The following RTN4 variants were observed in gnomAD, a reference collection of about 807,000 sequenced individuals.
RTN4 encodes the protein reticulon-4.
In RTN4, 32 loss-of-function variants were observed where a neutral mutation model predicts 90.4. That is an observed-to-expected ratio of 0.35 (90% CI 0.27 to 0.48). The LOEUF is 0.48. Ranked by LOEUF, RTN4 falls within the 20% of genes least tolerant of loss-of-function variation. RTN4 has a pLI of 0.99. For synonymous variants in RTN4, 629 were observed against 552.5 expected, an observed-to-expected ratio of 1.14 and a Z score of -1.94; for missense variants, 1,706 against 1,430.2, an observed-to-expected ratio of 1.19 and a Z score of -3.11.
chr2:55,033,050 TAAA>T (rs141554598), intron 1 of RTN4, among the ~76,000 whole-genome samples: 2 of 125,766 alleles, frequency 1.6e-5, no homozygotes, highest in African/African-American at 2.9e-5. Context: ...CTGAAGAAGT[TAAA>T]AAAAAAAAAA....
chr2:55,052,082 C>G (rs1240899780), upstream of RTN4, among the ~76,000 whole-genome samples: 1 of 152,092 alleles, frequency 6.6e-6, no homozygotes, highest in Admixed American at 6.6e-5. Flanking sequence ...ATAGGTGGAA[C>G]ACAGAAGATT....
In RTN4 at chr2:55,026,373, T is replaced by C. The variant is rs761690966; in HGVS notation, c.1726A>G (p.Lys576Glu). Residue 576 changes from lysine (K) to glutamate (E), a missense_variant, in exon 3 of 9, where the codon AAA becomes GAA. Transcript: ENST00000337526. ...TCTGATGTTTGAACCAAGTCCATTT[T>C]TGTTTCATAAGCAATCTTTGTACCA... ...VTGTKIAYETKMDLVQTSEVM... is the reference protein window; with the variant it reads ...VTGTKIAYETEMDLVQTSEVM... The C allele has an allele frequency of 6.2e-7, 1 of 1,613,990 alleles. No homozygotes were observed. The highest frequency in any genetic ancestry group is 8.5e-7 in the Non-Finnish European group (1 of 1,179,920).
At chr2:55,077,860 C>G (rs1668632007) in intron 2 of RTN4, among the ~76,000 whole-genome samples, 1 of 151,594 alleles carries the variant, frequency 6.6e-6, no homozygotes, top group African/African-American at 2.4e-5. Flanking sequence ...GGAGCCTGGA[C>G]AGAATTAGAG....
intron 3 of RTN4, among the ~76,000 whole-genome samples, chr2:55,022,117 T>TA (rs1380058581): frequency 6.6e-6 from 1 of 152,100 alleles, no homozygotes; most frequent in Non-Finnish European, 1.5e-5. Flanking sequence ...ATCCAAGAAA[T>TA]AGGTGACTCC....
chr2:55,130,566 C>CAAA, the RTN4 span, among the ~76,000 whole-genome samples: 1 of 152,044 alleles, frequency 6.6e-6, no homozygotes. Flanking sequence ...GCCGGAACAA[C>CAAA]AAAAAATACA....
chr2:55,078,197 G>C (rs1204167578), intron 2 of RTN4, among the ~76,000 whole-genome samples: 2 of 151,888 alleles, frequency 1.3e-5, no homozygotes, highest in South Asian at 2.1e-4. Context: ...AAATTTAAAA[G>C]AAAGAAATAA....
At chr2:55,006,393 G>A (rs142809178) in intron 3 of RTN4, among the ~76,000 whole-genome samples, 4 of 152,062 alleles carry the variant, frequency 2.6e-5, no homozygotes, top group Admixed American at 6.6e-5. Context: ...TGGCCTTCCC[G>A]AGTAAGGCAT....
intron 1 of RTN4, among the ~76,000 whole-genome samples, chr2:55,033,758 A>G (rs1283247375): frequency 1.3e-5 from 2 of 152,240 alleles, no homozygotes; most frequent in East Asian, 3.8e-4. Context: ...TAATTGATAT[A>G]TAACAGTTGT....
Position 55,050,254 on chromosome 2 carries a change from G to A in RTN4, c.47C>T (p.Pro16Leu). The change falls in exon 1 of 9, where the codon CCA (proline) becomes CTA (leucine). Residue 16 changes from proline (P) to leucine (L), a missense_variant. Pro to Leu is a moderately conservative substitution (Grantham distance 98). Coordinates refer to ENST00000337526, the MANE Select transcript of RTN4 (RefSeq NM_020532.5). This position sits in a 1 kb window ranked among gnomAD's most constrained non-coding sequence, Gnocchi z 4.6. ...CTTGAACGCGGGCTGCGGCCGGGGT[G>A]GGCTGTCCGAGGACGAGACCAGAGG... ...QSPLVSSSDS[P>L]PRPQPAFKYQ... 1 of 1,536,140 alleles carries A rather than the reference G, an allele frequency of 6.5e-7. No homozygotes were observed. Among genetic ancestry groups the A allele is most frequent in the Non-Finnish European group, 8.8e-7 (1 of 1,142,660 alleles).
At chr2:54,974,326 C>A in intron 6 of RTN4, 1 of 247,724 alleles carries the variant, frequency 4.0e-6, no homozygotes, top group Non-Finnish European at 7.9e-6. Flanking sequence ...GTTGCCCAAC[C>A]TGGAGTGCAA....
chr2:55,068,675 A>T (rs1368355017), intron 2 of RTN4, among the ~76,000 whole-genome samples: 1 of 78,388 alleles, frequency 1.3e-5, no homozygotes, highest in Non-Finnish European at 2.4e-5. Flanking sequence ...TCTACAAAAA[A>T]AAAGGGGGGG....
chr2:55,102,908 C>T (rs1955151), intron 1 of RTN4, among the ~76,000 whole-genome samples: 1 of 151,892 alleles, frequency 6.6e-6, no homozygotes, highest in African/African-American at 2.4e-5. Flanking sequence ...CACCTGAGGT[C>T]GGGAGTTTGA....
At chr2:55,004,013 T>G (rs1680032617) in intron 3 of RTN4, among the ~76,000 whole-genome samples, 1 of 152,098 alleles carries the variant, frequency 6.6e-6, no homozygotes, top group South Asian at 2.1e-4. Context: ...ATTTAAGAAT[T>G]CTATTCTCTG....
At chr2:55,077,310 G>A (rs1054747061) in intron 2 of RTN4, among the ~76,000 whole-genome samples, 19 of 152,220 alleles carry the variant, frequency 1.2e-4, no homozygotes, top group South Asian at 4.1e-4. Context: ...ACCACACCCC[G>A]CCTAGGGCAG....
intron 3 of RTN4, among the ~76,000 whole-genome samples, chr2:55,018,955 G>A (rs543764671): frequency 3.9e-5 from 6 of 152,046 alleles, no homozygotes; most frequent in Non-Finnish European, 8.8e-5. Context: ...TGATTCCAGG[G>A]CTGGGACACG....
chr2:54,997,280 A>C (rs1679504190), intron 3 of RTN4, among the ~76,000 whole-genome samples: 1 of 152,224 alleles, frequency 6.6e-6, no homozygotes, highest in Non-Finnish European at 1.5e-5. Flanking sequence ...AGTCATTATA[A>C]AAATGCAAAC....
intron 5 of RTN4, among the ~76,000 whole-genome samples, chr2:54,980,503 G>C (rs1678031831): frequency 6.6e-6 from 1 of 152,174 alleles, no homozygotes; most frequent in Non-Finnish European, 1.5e-5. Context: ...ATTTATTCAA[G>C]AATGACATTT....
At chr2:55,120,267 C>G in the RTN4 span, among the ~76,000 whole-genome samples, 10,872 of 152,274 alleles carry the variant, frequency 0.071, 439 homozygotes, top group Middle Eastern at 0.16. Flanking sequence ...TCCTGCCCCC[C>G]TCACTTTAGC....
In RTN4 at chr2:55,065,963, A is replaced by G. The variant is rs572648390; in HGVS notation, c.-63+14526T>C. On this transcript the variant is annotated intron_variant, in intron 2 of 3. Coordinates refer to the RTN4 transcript ENST00000427710. ...AAACATGTATATACGCATATGGAAAATAAACTTTAAGATTAGTTCATTTTA... is the reference window on the plus strand; with the variant it reads ...AAACATGTATATACGCATATGGAAAGTAAACTTTAAGATTAGTTCATTTTA... Among the ~76,000 whole-genome samples the G allele has an allele frequency of 5.3e-5, 8 of 152,342 alleles. No individual in the cohort carries two copies. In the South Asian group the frequency reaches 1.7e-3, roughly 32 times the overall value.
Sources: allele counts gnomAD v4.1 joint callset (sites outside exome capture counted in the v4.1 genomes callset), GRCh38; gene constraint gnomAD v4.1.1; non-coding constraint Gnocchi (gnomAD v3.1); transcripts MANE v1.5; gene names NCBI Gene and HGNC (gene_info 2026-07-23, HGNC 2026-07-21).